RFX7: variants seen among roughly 807,000 people sequenced by gnomAD.
RFX7 encodes DNA-binding protein RFX7.
In RFX7, 26 loss-of-function variants were observed where a neutral mutation model predicts 111.8. That is an observed-to-expected ratio of 0.23 (90% confidence interval 0.17 to 0.32). The LOEUF is 0.32. Among genes scored for constraint, RFX7 ranks in the 10% least tolerant of loss-of-function variants. The probability of loss-of-function intolerance (pLI) is 1.00; values close to 1 mark genes in which losing one functional copy is unlikely to be tolerated. For missense variants in RFX7, 1,573 were observed against 1,772.9 expected (o/e 0.89, Z 2.02); for synonymous variants, 624 against 624.4 (o/e 1.00, Z 0.01).
intron 3 of RFX7, among the ~76,000 whole-genome samples, chr15:56,159,153 G>C (rs2042690632): frequency 6.6e-6 from 1 of 152,186 alleles, no homozygotes; most frequent in Non-Finnish European, 1.5e-5. Flanking sequence ...GTTAGTCCAT[G>C]TTGTTGTAAA....
intron 5 of RFX7, among the ~76,000 whole-genome samples, chr15:56,137,203 C>G (rs1252272351): frequency 6.6e-6 from 1 of 151,894 alleles, no homozygotes; most frequent in African/African-American, 2.4e-5. Flanking sequence ...CCAGTTCCTC[C>G]TTGTACCTCT....
rs776182139 is a variant in RFX7 at position 56,101,500 on chromosome 15, G to T, written c.670C>A (p.Arg224Ser). The T allele has an allele frequency of 6.2e-7, 1 of 1,613,458 alleles. No homozygotes were observed. The highest frequency in any genetic ancestry group is 8.5e-7 in the Non-Finnish European group (1 of 1,179,770). The change falls in exon 8 of 10, where the codon CGT becomes AGT. Residue 224 changes from arginine to serine, a missense_variant. By Grantham distance (110) the Arg-to-Ser change is moderately radical. This residue lies in a region of RFX7 where 288 missense variants were observed against 337.9 expected (regional missense o/e 0.85). Transcript: ENST00000559447. ...IDEEVISSAC[R>S]LVCEWAQKVL... ...TTCTGGGCCCACTCACACACAAGAC[G>T]GCAAGCAGAAGAGATAACTTCTTCA...
chr15:56,191,163 T>G (rs1196155358), intron 2 of RFX7, among the ~76,000 whole-genome samples: 1 of 152,208 alleles, frequency 6.6e-6, no homozygotes, highest in Admixed American at 6.5e-5. Flanking sequence ...CCTGGTTCTC[T>G]CTGACAGGCA....
intron 2 of RFX7, among the ~76,000 whole-genome samples, chr15:56,197,625 C>T (rs1371163901): frequency 6.6e-6 from 1 of 151,684 alleles, no homozygotes; most frequent in Non-Finnish European, 1.5e-5. Flanking sequence ...TTGCCTGGTA[C>T]ACGTTAGGCA....
chr15:56,149,436 C>A (rs1046690143), intron 3 of RFX7, among the ~76,000 whole-genome samples: 1 of 152,160 alleles, frequency 6.6e-6, no homozygotes, highest in Non-Finnish European at 1.5e-5. Context: ...GGAACAGCAC[C>A]GGTCTGCAAT....
intron 5 of RFX7, among the ~76,000 whole-genome samples, chr15:56,123,080 C>T (rs1280748404): frequency 6.6e-6 from 1 of 152,116 alleles, no homozygotes. Context: ...ACCTAAGCAG[C>T]AAAACAAAAT....
chr15:56,244,228 A>G (rs1362871254), upstream of RFX7: 7 of 152,238 alleles, frequency 4.6e-5, no homozygotes, highest in African/African-American at 1.7e-4. Flanking sequence ...TCCCCTGCAC[A>G]TGCATGTGAG....
At chr15:56,180,750 CAA>C (rs869160446) in intron 2 of RFX7, among the ~76,000 whole-genome samples, 135 of 65,562 alleles carry the variant, frequency 2.1e-3, no homozygotes, top group Non-Finnish European at 2.7e-3. Flanking sequence ...TACTAAAATA[CAA>C]AAAAAAAAAA....
chr15:56,201,433 T>C (rs767451758), intron 2 of RFX7, among the ~76,000 whole-genome samples: 1 of 152,160 alleles, frequency 6.6e-6, no homozygotes, highest in Non-Finnish European at 1.5e-5. Flanking sequence ...CCTAAAAGCA[T>C]TTCAATCTAT....
intron 2 of RFX7, among the ~76,000 whole-genome samples, chr15:56,235,302 A>C (rs1167249081): frequency 6.6e-6 from 1 of 151,810 alleles, no homozygotes; most frequent in African/African-American, 2.4e-5. Context: ...CAGCCTCCTG[A>C]GTAGCTGGGG....
intron 5 of RFX7, among the ~76,000 whole-genome samples, chr15:56,141,228 G>C (rs2042387960): frequency 6.6e-6 from 1 of 151,306 alleles, no homozygotes; most frequent in Non-Finnish European, 1.5e-5. Context: ...CATGCCCATA[G>C]TGTTAGCTAC....
chr15:56,211,412 T>C (rs988286964), intron 2 of RFX7, among the ~76,000 whole-genome samples: 1 of 152,106 alleles, frequency 6.6e-6, no homozygotes, highest in African/African-American at 2.4e-5. Context: ...TTAACTCAAA[T>C]GGATTACAGA....
chr15:56,135,790 G>C (rs1170150061), intron 5 of RFX7, among the ~76,000 whole-genome samples: 1 of 151,560 alleles, frequency 6.6e-6, no homozygotes, highest in Non-Finnish European at 1.5e-5. Flanking sequence ...ATTGATTTTT[G>C]TAAAAGGTGT....
At chr15:56,198,811 A>G (rs2043168687) in intron 2 of RFX7, among the ~76,000 whole-genome samples, 2 of 152,126 alleles carry the variant, frequency 1.3e-5, no homozygotes, top group African/African-American at 2.4e-5. Context: ...TAAAGACCTG[A>G]GAGTTCATTG....
chr15:56,162,622 C>T (rs2042733995), intron 3 of RFX7, among the ~76,000 whole-genome samples: 1 of 150,410 alleles, frequency 6.6e-6, no homozygotes, highest in Admixed American at 6.7e-5. Flanking sequence ...ATTTAGTCCA[C>T]TCGAGTCCCT....
chr15:56,179,812 A>ACACACACC (rs1217430063), intron 2 of RFX7, among the ~76,000 whole-genome samples: 1 of 128,140 alleles, frequency 7.8e-6, no homozygotes. Flanking sequence ...ACACACACAC[A>ACACACACC]CCAGTAACAG....
intron 8 of RFX7, among the ~76,000 whole-genome samples, chr15:56,099,517 G>A (rs1410240341): frequency 6.6e-6 from 1 of 152,018 alleles, no homozygotes; most frequent in Non-Finnish European, 1.5e-5. Flanking sequence ...ATGGCTCATA[G>A]CTTGGCTGTC....
chr15:56,139,435 C>T (rs998471866), intron 5 of RFX7, among the ~76,000 whole-genome samples: 9 of 152,210 alleles, frequency 5.9e-5, no homozygotes, highest in African/African-American at 1.2e-4. Context: ...GCATTCTTCA[C>T]GTAGCTCTCG....
At chr15:56,122,747 A>G (rs1322464749) in intron 5 of RFX7, among the ~76,000 whole-genome samples, 1 of 92,476 alleles carries the variant, frequency 1.1e-5, no homozygotes, top group Non-Finnish European at 2.3e-5. Flanking sequence ...CCAAACCACA[A>G]GACAGTCCTT....
Sources: gnomAD v4.1 joint callset for allele counts (sites outside exome capture counted in the v4.1 genomes callset) on GRCh38, gnomAD v4.1.1 for gene constraint, gnomAD v4.1.1 regional missense constraint, MANE v1.5 for transcripts, NCBI Gene and HGNC (gene_info 2026-07-23, HGNC 2026-07-21) for gene names.